Variants in SLC36A1 observed in about 807,000 individuals in gnomAD.
The protein encoded by SLC36A1 is solute carrier family 36 member 1.
In SLC36A1, 30 loss-of-function variants were observed where a neutral mutation model predicts 47.5. The ratio of observed to expected loss-of-function variants is 0.63; its 90% confidence interval spans 0.47 to 0.86. SLC36A1 has a LOEUF of 0.86. Ranked by LOEUF, SLC36A1 falls within the 40% of genes least tolerant of loss-of-function variation. The probability of loss-of-function intolerance (pLI) is 0.00; values close to 1 mark genes in which losing one functional copy is unlikely to be tolerated. For synonymous variants in SLC36A1, 255 were observed against 249.7 expected (o/e 1.02, Z -0.20); for missense variants, 517 against 606.0 (o/e 0.85, Z 1.54).
the SLC36A1 span, chr5:151,527,134 A>C: frequency 7.2e-6 from 9 of 1,242,498 alleles, no homozygotes; most frequent in African/African-American, 1.5e-5. Context: ...GCAAAGTCAC[A>C]GTCATTGTTC....
At chr5:151,545,110 A>G in the SLC36A1 span, 2 of 1,614,192 alleles carry the variant, frequency 1.2e-6, no homozygotes. Context: ...TGTGCCATTC[A>G]AGAGAAAGTA....
chr5:151,408,126 G>T, the SLC36A1 span, among the ~76,000 whole-genome samples: 1 of 152,156 alleles, frequency 6.6e-6, no homozygotes, highest in Non-Finnish European at 1.5e-5. Flanking sequence ...AACTAAAACA[G>T]CATATCTTGA....
At chr5:151,510,066 G>A in the SLC36A1 span, 3 of 1,614,152 alleles carry the variant, frequency 1.9e-6, no homozygotes, top group South Asian at 3.3e-5. Flanking sequence ...AGCTCCTTTG[G>A]GGGAGAGGAT....
At chr5:151,485,017 C>G (rs1316654452) in intron 10 of SLC36A1, among the ~76,000 whole-genome samples, 1 of 152,176 alleles carries the variant, frequency 6.6e-6, no homozygotes, top group Admixed American at 6.5e-5. Flanking sequence ...GTCGGTACCA[C>G]AGCAGACCAG....
At chr5:151,550,458 TG>T in the SLC36A1 span, 1 of 1,056,226 alleles carries the variant, frequency 9.5e-7, no homozygotes, top group African/African-American at 1.6e-5. Flanking sequence ...TAGCCAGCTG[TG>T]AAATGTCACA....
chr5:151,552,792 T>A, the SLC36A1 span, among the ~76,000 whole-genome samples: 2 of 152,192 alleles, frequency 1.3e-5, no homozygotes, highest in African/African-American at 4.8e-5. Flanking sequence ...ACATTGAGCA[T>A]GGCCCCAGGG....
chr5:151,385,441 A>G, the SLC36A1 span, among the ~76,000 whole-genome samples: 1 of 152,246 alleles, frequency 6.6e-6, no homozygotes, highest in Admixed American at 6.5e-5. Context: ...CCAAGGGGAA[A>G]AAACCCAGAA....
the SLC36A1 span, among the ~76,000 whole-genome samples, chr5:151,420,867 TCTCTTTCTTTC>T: frequency 6.8e-6 from 1 of 146,388 alleles, no homozygotes; most frequent in East Asian, 2.3e-4. Flanking sequence ...TTTCTTTCTT[TCTCTTTCTTTC>T]TTTTTTTTTT....
At chr5:151,390,337 T>C in the SLC36A1 span, among the ~76,000 whole-genome samples, 1 of 152,214 alleles carries the variant, frequency 6.6e-6, no homozygotes, top group Non-Finnish European at 1.5e-5. Context: ...TTGCAAAATT[T>C]TTCTCCCATT....
the SLC36A1 span, among the ~76,000 whole-genome samples, chr5:151,353,403 T>C: frequency 1.3e-5 from 2 of 152,128 alleles, no homozygotes; most frequent in African/African-American, 4.8e-5. Flanking sequence ...TAAAAATAAG[T>C]GATAGACTAT....
intron 2 of SLC36A1, among the ~76,000 whole-genome samples, chr5:151,461,681 A>G (rs1581117723): frequency 6.6e-6 from 1 of 152,334 alleles, no homozygotes; most frequent in African/African-American, 2.4e-5. Flanking sequence ...ACACTGTAGA[A>G]CGAATCAAGG....
chr5:151,459,344 G>A (rs1034543315), intron 2 of SLC36A1, among the ~76,000 whole-genome samples: 2 of 152,328 alleles, frequency 1.3e-5, no homozygotes, highest in East Asian at 3.9e-4. Flanking sequence ...GAAGAAGTGG[G>A]AAGAGAGAAG....
At chr5:151,517,376 A>G in the SLC36A1 span, among the ~76,000 whole-genome samples, 8 of 152,196 alleles carry the variant, frequency 5.3e-5, no homozygotes, top group Admixed American at 2.0e-4. Flanking sequence ...CTCCATTTCT[A>G]TCTTACCCCA....
the SLC36A1 span, among the ~76,000 whole-genome samples, chr5:151,423,960 C>T: frequency 7.1e-6 from 1 of 140,538 alleles, no homozygotes; most frequent in African/African-American, 2.9e-5. Flanking sequence ...AGAAAAAATA[C>T]GATCTATTAA....
chr5:151,389,718 TC>T, the SLC36A1 span, among the ~76,000 whole-genome samples: 22 of 152,094 alleles, frequency 1.4e-4, no homozygotes, highest in Non-Finnish European at 2.6e-4. Flanking sequence ...TTCATCCATG[TC>T]CCTACAAAGG....
the SLC36A1 span, chr5:151,366,489 C>A: frequency 3.3e-6 from 1 of 304,580 alleles, no homozygotes; most frequent in Non-Finnish European, 6.6e-6. Context: ...CCACAAAGCC[C>A]AGGATGCTGA....
the SLC36A1 span, among the ~76,000 whole-genome samples, chr5:151,552,472 C>T: frequency 2.6e-4 from 39 of 152,162 alleles, no homozygotes; most frequent in African/African-American, 8.4e-4. Flanking sequence ...ACTCCATGTT[C>T]ATGTGGGTGC....
the SLC36A1 span, among the ~76,000 whole-genome samples, chr5:151,498,360 C>G: frequency 6.6e-6 from 1 of 152,166 alleles, no homozygotes; most frequent in African/African-American, 2.4e-5. Flanking sequence ...TCTAACATCT[C>G]CTGAACATTC....
the SLC36A1 span, among the ~76,000 whole-genome samples, chr5:151,408,621 C>T: frequency 5.9e-5 from 9 of 152,316 alleles, no homozygotes; most frequent in East Asian, 1.7e-3. Flanking sequence ...TATGTCCCCT[C>T]CCCAAATTTA....
Sources: gnomAD v4.1 joint callset for allele counts (sites outside exome capture counted in the v4.1 genomes callset) on GRCh38, gnomAD v4.1.1 for gene constraint, MANE v1.5 for transcripts, NCBI Gene and HGNC (gene_info 2026-07-23, HGNC 2026-07-21) for gene names.